The following CPNE3 variants were observed in gnomAD, a reference collection of about 807,000 sequenced individuals.
The protein encoded by CPNE3 is copine-3.
CPNE3 carries 68 observed loss-of-function variants against 63.9 expected under a neutral mutation model. The ratio of observed to expected loss-of-function variants is 1.06; its 90% CI spans 0.87 to 1.30. The LOEUF (loss-of-function observed/expected upper bound fraction) is 1.30. Ranked by LOEUF, CPNE3 falls within the 50% of genes most tolerant of loss-of-function variation. The pLI is 0.00. For missense variants in CPNE3, 665 were observed against 578.1 expected (o/e 1.15, Z -1.54); for synonymous variants, 219 against 197.5 (o/e 1.11, Z -0.91).
chr8:86,530,671 A>G (rs1226815782), intron 4 of CPNE3, among the ~76,000 whole-genome samples: 2 of 150,000 alleles, frequency 1.3e-5, no homozygotes, highest in African/African-American at 4.9e-5. Flanking sequence ...GTTTTTTCCA[A>G]TGAGTTTTAA....
Position 86,559,418 on chromosome 8 carries a change from G to T in CPNE3, c.*1008G>T, listed in dbSNP as rs1367449466. 1 of 151,970 alleles carries T rather than the reference G, an allele frequency of 6.6e-6. No homozygotes were observed. The highest frequency in any genetic ancestry group is 1.5e-5 in the Non-Finnish European group (1 of 67,976). The allele number at this position is 151,970 out of a possible 1,614,324, so 9.4% of individuals were successfully genotyped here. On this transcript the variant is annotated 3_prime_UTR_variant, in exon 17 of 17. Transcript: ENST00000517490. The stretch of plus-strand genomic sequence containing the variant: ...ATATTGATTTGTACAGATCCACTTA[G>T]TCATTTTCTCCTTTTTTTAAGAACC...
intron 7 of CPNE3, among the ~76,000 whole-genome samples, chr8:86,539,969 TCTG>T (rs1820896977): frequency 6.6e-6 from 1 of 152,256 alleles, no homozygotes; most frequent in East Asian, 1.9e-4. Context: ...CCAGCCATCC[TCTG>T]TAGTTCCTAA....
At chr8:86,530,796 A>G (rs1196498571) in intron 4 of CPNE3, among the ~76,000 whole-genome samples, 1 of 150,496 alleles carries the variant, frequency 6.6e-6, no homozygotes, top group Admixed American at 6.7e-5. Context: ...AATTCAAGTG[A>G]TTCTCCTGCC....
At chr8:86,532,604 A>G (rs72690457) in intron 6 of CPNE3, 24 bp downstream of exon 6, 397,703 of 1,587,366 alleles carry the variant, frequency 0.25, 52,819 homozygotes, top group Non-Finnish European at 0.27. Flanking sequence ...GCAGATTTCA[A>G]AAAGGTTGTC....
At chr8:86,528,133 A>G (rs1017050306) in intron 2 of CPNE3, among the ~76,000 whole-genome samples, 1 of 151,590 alleles carries the variant, frequency 6.6e-6, no homozygotes, top group East Asian at 1.9e-4. Context: ...TATTTTTAGT[A>G]GAGACGAGGT....
chr8:86,541,425 C>A (rs78416278), intron 8 of CPNE3, among the ~76,000 whole-genome samples: 1 of 151,772 alleles, frequency 6.6e-6, no homozygotes, highest in Non-Finnish European at 1.5e-5. Context: ...TCATTTTTGC[C>A]GGGCATGGTG....
rs1271598116 is a variant in CPNE3, at chr8:86,547,804, T to C, written c.879+34T>C. The C allele has an allele frequency of 4.2e-6, 4 of 951,722 alleles. No homozygotes were observed. In the South Asian group the frequency reaches 5.6e-5, roughly 13 times the overall value. 59.0% of individuals were successfully genotyped at this position (951,722 alleles called of 1,614,324 possible). On this transcript the variant is annotated intron_variant, in intron 11 of 16. Coordinates refer to ENST00000517490, the MANE Select transcript of CPNE3 (RefSeq NM_003909.5). ...CACACTGAATTTTTCAGCATAGGCT[T>C]TTTCCTCCATGTTGCAGTATATTTT... is the stretch of plus-strand genomic sequence containing the variant.
At chr8:86,540,005 A>G (rs1323514957) in intron 7 of CPNE3, among the ~76,000 whole-genome samples, 1 of 152,122 alleles carries the variant, frequency 6.6e-6, no homozygotes, top group East Asian at 1.9e-4. Flanking sequence ...ATAGGTAGAT[A>G]TATTTTCCAA....
At chr8:86,545,914 T>G (rs1946939) in intron 9 of CPNE3, among the ~76,000 whole-genome samples, 72,691 of 151,804 alleles carry the variant, frequency 0.48, 17,904 homozygotes, top group African/African-American at 0.58. Flanking sequence ...TTGTAGAAAT[T>G]TAAAGAGGTA....
chr8:86,516,956 A>T (rs929594847), intron 2 of CPNE3, among the ~76,000 whole-genome samples: 1 of 152,230 alleles, frequency 6.6e-6, no homozygotes, highest in East Asian at 1.9e-4. Context: ...ATGATATTTC[A>T]GGTGGATCTT....
intron 7 of CPNE3, among the ~76,000 whole-genome samples, chr8:86,539,232 G>C (rs930826895): frequency 6.6e-6 from 1 of 152,116 alleles, no homozygotes; most frequent in Non-Finnish European, 1.5e-5. Flanking sequence ...AATGGCTCTT[G>C]GTTTTTCTTT....
chr8:86,522,547 GC>G (rs1470610240), intron 2 of CPNE3, among the ~76,000 whole-genome samples: 15 of 69,916 alleles, frequency 2.1e-4, no homozygotes, highest in Non-Finnish European at 2.6e-4. Flanking sequence ...GACGCCCGCT[GC>G]TTTTTTTTTT....
Position 86,546,692 on chromosome 8 carries a change from C to T in CPNE3, c.819+11C>T. 6.3e-7 allele frequency: 1 copy of T among 1,582,014 alleles called. No individual in the cohort carries two copies. Among genetic ancestry groups the T allele is most frequent in the Non-Finnish European group, 8.5e-7 (1 of 1,171,160 alleles). The stretch of plus-strand genomic sequence containing the variant: ...GTGAAACAGTGTGAGGTCCGTTGGC[C>T]TTGGCTACTTATTTTTATTTATTTA... On this transcript the variant is annotated intron_variant, in intron 10 of 16. Coordinates refer to ENST00000517490, the MANE Select transcript of CPNE3 (RefSeq NM_003909.5).
chr8:86,545,119 C>T (rs1821019982), intron 9 of CPNE3: 1 of 208,632 alleles, frequency 4.8e-6, no homozygotes, highest in Non-Finnish European at 9.4e-6. Flanking sequence ...GAATAGAAGT[C>T]CAATCCTTTT....
rs1036626497 is a variant in CPNE3 at position 86,556,206 on chromosome 8, T to G, written c.1359T>G (p.Ile453Met). 1.1e-6 allele frequency: 1 copy of G among 873,032 alleles called. No individual in the cohort carries two copies. The highest frequency in any genetic ancestry group is 1.7e-5 in the Admixed American group (1 of 59,194). 54.1% of individuals were successfully genotyped at this position (873,032 alleles called of 1,614,324 possible). A position where few individuals can be genotyped will look rare whatever the true frequency, so the allele number is the denominator to read the frequency against. Residue 453 changes from isoleucine (I) to methionine (M), a missense_variant, in exon 16 of 17, where the codon ATT becomes ATG. By Grantham distance (10) the Ile-to-Met change is conservative. Transcript: ENST00000517490. The part of the protein sequence containing the change: ...NASRLPMSII[I>M]VGVGGADFSA... ...CCAGGCTGCCTATGTCCATCATAAT[T>G]GTTGGAGTTGGAGGTGCTGACTTCA...
At chr8:86,522,151 G>A (rs1399031913) in intron 2 of CPNE3, among the ~76,000 whole-genome samples, 3 of 152,078 alleles carry the variant, frequency 2.0e-5, no homozygotes, top group African/African-American at 7.2e-5. Context: ...AGTTTTAATC[G>A]TCAGTAAAAG....
At chr8:86,531,755 A>G (rs2131448675) in intron 5 of CPNE3, among the ~76,000 whole-genome samples, 1 of 152,282 alleles carries the variant, frequency 6.6e-6, no homozygotes, top group Middle Eastern at 3.4e-3. Flanking sequence ...AAATGAATAT[A>G]TGCTTTATTG....
intron 14 of CPNE3, among the ~76,000 whole-genome samples, chr8:86,552,861 C>G (rs1201718723): frequency 1.9e-5 from 2 of 103,068 alleles, no homozygotes; most frequent in African/African-American, 6.5e-5. Context: ...TTTTTCGAGA[C>G]GAAGTCTTGC....
chr8:86,549,106 G>A (rs985654990), intron 12 of CPNE3, among the ~76,000 whole-genome samples: 8 of 152,102 alleles, frequency 5.3e-5, no homozygotes, highest in Admixed American at 1.3e-4. Flanking sequence ...CTGATGTAGC[G>A]TTAAGAGTAC....
Sources: gnomAD v4.1 joint callset for allele counts (sites outside exome capture counted in the v4.1 genomes callset) on GRCh38, gnomAD v4.1.1 for gene constraint, MANE v1.5 for transcripts, NCBI Gene and HGNC (gene_info 2026-07-23, HGNC 2026-07-21) for gene names.